Variants in MAPRE2 observed in about 807,000 individuals in gnomAD.
MAPRE2 encodes microtubule-associated protein RP/EB family member 2.
Under a neutral mutation model 43.2 loss-of-function variants are expected in MAPRE2, and 13 were observed. The ratio of observed to expected loss-of-function variants is 0.30; its 90% CI spans 0.20 to 0.48. The LOEUF (loss-of-function observed/expected upper bound fraction) is 0.48, where lower values mean the gene tolerates loss of function less well. Ranked by LOEUF, MAPRE2 falls within the 20% of genes least tolerant of loss-of-function variation. The pLI, the probability that MAPRE2 is intolerant of heterozygous loss-of-function variation, is 0.99. For missense variants in MAPRE2, 161 were observed against 400.2 expected (o/e 0.40, Z 5.10); for synonymous variants, 135 against 148.8 (o/e 0.91, Z 0.68).
chr18:35,042,824 G>T (rs73424673), intron 1 of MAPRE2, among the ~76,000 whole-genome samples: 2 of 151,980 alleles, frequency 1.3e-5, no homozygotes, highest in Non-Finnish European at 2.9e-5. Context: ...GGTATTATGG[G>T]TAGAATATTG....
chr18:34,993,948 C>T (rs1226153101), intron 1 of MAPRE2, among the ~76,000 whole-genome samples: 4 of 148,324 alleles, frequency 2.7e-5, no homozygotes, highest in South Asian at 2.2e-4. Context: ...GAGATGATCT[C>T]ATTTAATGCC....
chr18:35,086,350 A>G (rs1331978641), intron 2 of MAPRE2, among the ~76,000 whole-genome samples: 1 of 151,878 alleles, frequency 6.6e-6, no homozygotes, highest in Non-Finnish European at 1.5e-5. Flanking sequence ...GATGATGTTT[A>G]TTTTTATATA....
intron 1 of MAPRE2, among the ~76,000 whole-genome samples, chr18:34,987,841 C>A (rs1355378188): frequency 6.6e-6 from 1 of 152,064 alleles, no homozygotes. Context: ...CGGGGTTTCA[C>A]CATGTTGCCC....
intron 2 of MAPRE2, 34 bp from the exon 3 acceptor site, chr18:35,097,412 G>T: frequency 6.2e-7 from 1 of 1,603,796 alleles, no homozygotes; most frequent in South Asian, 1.1e-5. Context: ...GGTACAGTGA[G>T]ACTCACTCCA....
chr18:34,986,286 C>T (rs149280447), intron 1 of MAPRE2, among the ~76,000 whole-genome samples: 27 of 152,198 alleles, frequency 1.8e-4, no homozygotes, highest in South Asian at 1.7e-3. Context: ...AACGTTCCTT[C>T]CTTCTTTCAA....
intron 1 of MAPRE2, among the ~76,000 whole-genome samples, chr18:35,042,774 C>CT (rs1905431929): frequency 6.6e-6 from 1 of 152,124 alleles, no homozygotes; most frequent in South Asian, 2.1e-4. Context: ...GGAAATAACT[C>CT]TTTTTTTCCT....
At chr18:35,024,826 T>A (rs1393479508) in intron 2 of MAPRE2, among the ~76,000 whole-genome samples, 3 of 152,228 alleles carry the variant, frequency 2.0e-5, no homozygotes, top group Non-Finnish European at 4.4e-5. Context: ...CTGAGGGGAC[T>A]GATTCTTTAA....
intron 3 of MAPRE2, among the ~76,000 whole-genome samples, chr18:35,101,247 CT>C (rs1300499783): frequency 3.3e-5 from 5 of 151,716 alleles, no homozygotes; most frequent in Non-Finnish European, 7.4e-5. Flanking sequence ...TGGTTTAGTT[CT>C]TTTTTTTCTA....
chr18:35,083,560 C>G (rs1344443990), intron 2 of MAPRE2, among the ~76,000 whole-genome samples: 1 of 152,188 alleles, frequency 6.6e-6, no homozygotes, highest in African/African-American at 2.4e-5. Flanking sequence ...GACATTTTGT[C>G]CTGCACACCA....
At chr18:35,021,671 G>T (rs1023212885) in intron 2 of MAPRE2, among the ~76,000 whole-genome samples, 2 of 152,054 alleles carry the variant, frequency 1.3e-5, no homozygotes, top group African/African-American at 4.8e-5. Flanking sequence ...AAAATCAATT[G>T]GACTTAGTGT....
chr18:35,011,933 T>G (rs72950569), intron 2 of MAPRE2, among the ~76,000 whole-genome samples: 4,888 of 149,734 alleles, frequency 0.033, 130 homozygotes, highest in Non-Finnish European at 0.044. Flanking sequence ...CTATTTTATG[T>G]AGGGGGAAGT....
chr18:35,019,586 A>C (rs1338632157), intron 2 of MAPRE2, among the ~76,000 whole-genome samples: 4 of 151,894 alleles, frequency 2.6e-5, no homozygotes, highest in Non-Finnish European at 5.9e-5. Context: ...TCTTTACTTT[A>C]TGTCATAAGC....
At chr18:35,054,552 G>A (rs930990563) in intron 1 of MAPRE2, among the ~76,000 whole-genome samples, 6 of 152,174 alleles carry the variant, frequency 3.9e-5, no homozygotes, top group African/African-American at 1.4e-4. Context: ...GTGGACCACA[G>A]CCACTCAAGG....
intron 2 of MAPRE2, among the ~76,000 whole-genome samples, chr18:35,084,991 A>G (rs1175517695): frequency 1.3e-5 from 2 of 152,230 alleles, no homozygotes; most frequent in African/African-American, 4.8e-5. Context: ...CTGCTCCTCC[A>G]TGCCAGGAAT....
At chr18:35,033,211 C>T (rs12955477) in intron 2 of MAPRE2, among the ~76,000 whole-genome samples, 6,636 of 152,166 alleles carry the variant, frequency 0.044, 198 homozygotes, top group African/African-American at 0.073. Context: ...GTTCAATATA[C>T]GCAAATCAAT....
At chr18:35,075,604 TTGTAA>T (rs1907311229) in intron 2 of MAPRE2, among the ~76,000 whole-genome samples, 1 of 152,250 alleles carries the variant, frequency 6.6e-6, no homozygotes, top group African/African-American at 2.4e-5. Flanking sequence ...AGGGAGGTAA[TTGTAA>T]TGGAATATTA....
intron 1 of MAPRE2, among the ~76,000 whole-genome samples, chr18:34,993,255 CTTTTTTTT>C (rs760356794): frequency 7.7e-6 from 1 of 130,074 alleles, no homozygotes; most frequent in Non-Finnish European, 1.6e-5. Context: ...CCATTCCCGC[CTTTTTTTT>C]TTTTTTTTTT....
chr18:35,112,462 C>T (rs1909219254), intron 4 of MAPRE2, among the ~76,000 whole-genome samples: 1 of 152,130 alleles, frequency 6.6e-6, no homozygotes, highest in African/African-American at 2.4e-5. Flanking sequence ...TGAGCTACCA[C>T]ACCCGGCAGA....
At chr18:35,092,157 G>A (rs765297006) in intron 2 of MAPRE2, among the ~76,000 whole-genome samples, 2 of 152,120 alleles carry the variant, frequency 1.3e-5, no homozygotes, top group Non-Finnish European at 2.9e-5. Context: ...TGAGAAACTG[G>A]CCCCATGACC....
Sources: allele counts gnomAD v4.1 joint callset (sites outside exome capture counted in the v4.1 genomes callset), GRCh38; gene constraint gnomAD v4.1.1; transcripts MANE v1.5; gene names NCBI Gene and HGNC (gene_info 2026-07-23, HGNC 2026-07-21).